Variants in DDX10 observed in about 807,000 individuals in gnomAD.
DDX10 encodes DEAD-box helicase 10, also known as probable ATP-dependent RNA helicase DDX10.
In DDX10, 74 loss-of-function variants were observed where a neutral mutation model predicts 104.3. The ratio of observed to expected loss-of-function variants is 0.71; its 90% CI spans 0.59 to 0.86. The LOEUF is 0.86. Ranked by LOEUF, DDX10 falls within the 40% of genes least tolerant of loss-of-function variation. The probability of loss-of-function intolerance (pLI) is 0.00; values close to 1 mark genes in which losing one functional copy is unlikely to be tolerated. For missense variants in DDX10, 952 were observed against 1,040.0 expected (o/e 0.92, Z 1.16); for synonymous variants, 351 against 353.4 (o/e 0.99, Z 0.08).
At position 108,665,201 on chromosome 11, in the gene DDX10, G is replaced by A. The variant is rs746497177; in HGVS notation, c.48G>A (p.Pro16=). The change falls in exon 1 of 18, where the codon CCG becomes CCA. Residue 16 remains proline, a synonymous_variant. Coordinates refer to ENST00000322536, the MANE Select transcript of DDX10 (RefSeq NM_004398.4). ...NSPGSGARPD[P]VRSFNRWKKK... is the part of the protein sequence containing the mutation. ...CGGGTTCGGGAGCCCGACCCGACCC[G>A]GTGCGGAGCTTCAATCGCTGGAAGA... 6 of 1,612,998 alleles carry A rather than the reference G, an allele frequency of 3.7e-6. No homozygotes were observed. The South Asian group carries it at 5.5e-5, about 15-fold the overall frequency.
intron 13 of DDX10, among the ~76,000 whole-genome samples, chr11:108,739,487 A>G (rs980256828): frequency 2.0e-5 from 3 of 152,328 alleles, no homozygotes; most frequent in East Asian, 1.9e-4. Flanking sequence ...GTATACTTTT[A>G]TGAAGGTAAG....
At chr11:108,709,611 GA>G (rs761721912) in intron 10 of DDX10, among the ~76,000 whole-genome samples, 2 of 152,138 alleles carry the variant, frequency 1.3e-5, no homozygotes, top group Non-Finnish European at 2.9e-5. Flanking sequence ...ATGTCCATGG[GA>G]TTTGTAATGA....
chr11:108,719,628 C>T (rs2094295794), intron 11 of DDX10, among the ~76,000 whole-genome samples, 169 bp from the exon 12 acceptor site: 1 of 152,052 alleles, frequency 6.6e-6, no homozygotes, highest in African/African-American at 2.4e-5. Context: ...TCTAATATTA[C>T]AGTTCTAAAA....
At chr11:108,938,572 A>G (rs545235749) in intron 17 of DDX10, among the ~76,000 whole-genome samples, 13 of 152,306 alleles carry the variant, frequency 8.5e-5, no homozygotes, top group Non-Finnish European at 1.5e-4. Flanking sequence ...ATTAGGGCTC[A>G]ATACTTTTTT....
In DDX10 at chr11:108,871,928, C is replaced by G. The variant is rs1031147836; in HGVS notation, c.2304+19719C>G. Among the ~76,000 whole-genome samples the G allele has an allele frequency of 5.0e-4, 75 of 149,830 alleles. 1 individual carries two copies. The highest frequency in any genetic ancestry group is 1.8e-3 in the African/African-American group (73 of 40,800). ...GGGCCACAAGAGCGAAATTCTGCCT[C>G]AAAAAAAAAAAATTAAGCTTTGATA... is the stretch of plus-strand genomic sequence containing the variant. On this transcript the variant is annotated intron_variant, in intron 16 of 17. Coordinates refer to ENST00000322536, the MANE Select transcript of DDX10 (RefSeq NM_004398.4).
intron 13 of DDX10, among the ~76,000 whole-genome samples, chr11:108,825,482 G>A (rs1862383758): frequency 6.6e-6 from 1 of 152,174 alleles, no homozygotes; most frequent in Non-Finnish European, 1.5e-5. Context: ...TGTTCGTATT[G>A]GCAGTATCAA....
chr11:108,871,937 A>AC (rs1444389848), intron 16 of DDX10, among the ~76,000 whole-genome samples: 2 of 151,848 alleles, frequency 1.3e-5, no homozygotes, highest in Non-Finnish European at 2.9e-5. Flanking sequence ...TCAAAAAAAA[A>AC]AAATTAAGCT....
At chr11:108,765,487 C>CT (rs905389581) in intron 13 of DDX10, among the ~76,000 whole-genome samples, 4 of 152,198 alleles carry the variant, frequency 2.6e-5, no homozygotes. Flanking sequence ...GGTGCTCTGT[C>CT]TTTAAGTTTG....
rs572862306 is a variant in DDX10 at position 108,900,273 on chromosome 11, C to A, written c.2305-17600C>A. 1.7e-4 allele frequency among the ~76,000 whole-genome samples: 26 copies of A among 152,300 alleles called. No homozygotes were observed. The East Asian group carries it at 4.2e-3, about 25-fold the overall frequency. ...CCTGCAGAATTGTGAGCCAATTAAA[C>A]CTCTTTTCTTATAAATTACCTGGTC... On this transcript the variant is annotated intron_variant, in intron 16 of 17. Transcript: ENST00000322536.
At chr11:108,739,257 C>T (rs907339743) in intron 13 of DDX10, among the ~76,000 whole-genome samples, 22 of 152,132 alleles carry the variant, frequency 1.4e-4, no homozygotes, top group African/African-American at 5.1e-4. Context: ...TTCTCCCAAA[C>T]GAGAAAAGTT....
Position 108,841,227 on chromosome 11 carries a change from C to T in DDX10, c.2086-88C>T, listed in dbSNP as rs538685179. ...TTGTAAGGCAGAAAATGGGTATCTG[C>T]ACCTTTTCAGAATCATCAGACAAAA... On this transcript the variant is annotated intron_variant, in intron 14 of 17. Coordinates refer to ENST00000322536, the MANE Select transcript of DDX10 (RefSeq NM_004398.4). The T allele has an allele frequency of 4.4e-6, 5 of 1,140,774 alleles. No homozygotes were observed. In the South Asian group the frequency reaches 4.4e-5, roughly 10 times the overall value. The allele number at this position is 1,140,774 out of a possible 1,614,324, so 70.7% of individuals were successfully genotyped here.
chr11:108,930,727 A>G (rs1406525177), intron 17 of DDX10, among the ~76,000 whole-genome samples: 1 of 152,134 alleles, frequency 6.6e-6, no homozygotes, highest in Non-Finnish European at 1.5e-5. Flanking sequence ...GCTGTTTTTA[A>G]CGTTTAAAAT....
At chr11:108,801,109 A>C (rs1862014838) in intron 13 of DDX10, among the ~76,000 whole-genome samples, 1 of 152,216 alleles carries the variant, frequency 6.6e-6, no homozygotes, top group South Asian at 2.1e-4. Flanking sequence ...CCCTGTAGTT[A>C]GAATGTGTGC....
chr11:108,696,265 C>G (rs886735934), intron 9 of DDX10, among the ~76,000 whole-genome samples: 1 of 152,132 alleles, frequency 6.6e-6, no homozygotes, highest in African/African-American at 2.4e-5. Context: ...CAACCTCCGC[C>G]TCCCGGGTTC....
At chr11:108,710,261 A>G (rs928470473) in intron 10 of DDX10, among the ~76,000 whole-genome samples, 3 of 152,198 alleles carry the variant, frequency 2.0e-5, no homozygotes, top group Non-Finnish European at 4.4e-5. Context: ...CGTAGGCTAC[A>G]CTAAACTTTT....
At chr11:108,737,870 T>A (rs1334528840) in intron 13 of DDX10, among the ~76,000 whole-genome samples, 1 of 152,146 alleles carries the variant, frequency 6.6e-6, no homozygotes, top group Non-Finnish European at 1.5e-5. Context: ...CTATTATATC[T>A]TTGGGTGATA....
intron 13 of DDX10, among the ~76,000 whole-genome samples, chr11:108,743,517 C>T (rs1207879054): frequency 6.6e-6 from 1 of 152,116 alleles, no homozygotes; most frequent in Non-Finnish European, 1.5e-5. Flanking sequence ...AGTGGAAGTT[C>T]CACCTTCTTT....
chr11:108,689,132 CAA>C (rs1199967932), intron 7 of DDX10, 70 bp downstream of exon 7: 7 of 1,502,450 alleles, frequency 4.7e-6, no homozygotes, highest in Non-Finnish European at 6.5e-6. Context: ...ATCAATTAGA[CAA>C]ATTATTATAT....
intron 16 of DDX10, among the ~76,000 whole-genome samples, chr11:108,909,523 G>C (rs928790699): frequency 6.6e-6 from 1 of 151,752 alleles, no homozygotes. Context: ...TCCTCTGGCT[G>C]TTTCTGAGTT....
Sources: gnomAD v4.1 joint callset for allele counts (sites outside exome capture counted in the v4.1 genomes callset) on GRCh38, gnomAD v4.1.1 for gene constraint, MANE v1.5 for transcripts, NCBI Gene and HGNC (gene_info 2026-07-23, HGNC 2026-07-21) for gene names.